Variants in BLTP1 observed in about 807,000 individuals in gnomAD.
BLTP1 encodes the protein bridge-like lipid transfer protein family member 1.
chr4:122,232,441 G>A, the BLTP1 span, among the ~76,000 whole-genome samples: 14 of 151,836 alleles, frequency 9.2e-5, no homozygotes, highest in African/African-American at 3.1e-4. Context: ...TATTTTATTC[G>A]CTAAATCTAG....
chr4:122,263,878 G>C, the BLTP1 span, among the ~76,000 whole-genome samples: 1 of 152,086 alleles, frequency 6.6e-6, no homozygotes, highest in Non-Finnish European at 1.5e-5. Context: ...ATGAAAAAAT[G>C]CAAAGTGTAA....
At chr4:122,189,538 CAGAT>C in the BLTP1 span, 6 of 789,662 alleles carry the variant, frequency 7.6e-6, no homozygotes, top group Non-Finnish European at 9.2e-6. Context: ...GTTTAATATA[CAGAT>C]AGATAAAATG....
the BLTP1 span, among the ~76,000 whole-genome samples, chr4:122,260,252 T>C: frequency 6.6e-6 from 1 of 152,212 alleles, no homozygotes; most frequent in Non-Finnish European, 1.5e-5. Context: ...AAATATGATA[T>C]TATAATCTTA....
the BLTP1 span, chr4:122,293,372 G>A: frequency 5.5e-6 from 1 of 182,704 alleles, no homozygotes; most frequent in Non-Finnish European, 1.0e-5. Flanking sequence ...CCACCACGGA[G>A]GGCAAGGAAA....
chr4:122,173,220 G>A, the BLTP1 span: 1 of 1,530,710 alleles, frequency 6.5e-7, no homozygotes, highest in Non-Finnish European at 8.9e-7. Flanking sequence ...ACCATTTTTT[G>A]TTGCTATAAC....
chr4:122,316,243 G>A, the BLTP1 span: 2 of 355,320 alleles, frequency 5.6e-6, no homozygotes, highest in Middle Eastern at 8.9e-4. Context: ...TTCTGGTATT[G>A]ATTTTTAAAA....
At chr4:122,172,887 C>A in the BLTP1 span, 1 of 1,497,846 alleles carries the variant, frequency 6.7e-7, no homozygotes, top group South Asian at 1.3e-5. Flanking sequence ...GGAATTTATG[C>A]TTTTCTGGAT....
chr4:122,357,893 T>C, the BLTP1 span, among the ~76,000 whole-genome samples: 3 of 152,196 alleles, frequency 2.0e-5, no homozygotes, highest in Non-Finnish European at 4.4e-5. Flanking sequence ...AACGACCATG[T>C]TGAAAGAGTA....
chr4:122,355,916 T>C, the BLTP1 span: 11 of 1,612,628 alleles, frequency 6.8e-6, no homozygotes, highest in African/African-American at 1.3e-5. Context: ...ACAGAGACTA[T>C]CTTTGCATTA....
chr4:122,353,317 A>G, the BLTP1 span: 3 of 858,482 alleles, frequency 3.5e-6, no homozygotes, highest in Non-Finnish European at 4.2e-6. This position sits in a 1 kb window ranked among gnomAD's most constrained non-coding sequence, Gnocchi z 4.3. Context: ...GAACATGTTA[A>G]TTTCTGAACT....
the BLTP1 span, chr4:122,359,896 G>A: frequency 1.0e-6 from 1 of 985,316 alleles, no homozygotes; most frequent in South Asian, 4.7e-5. Context: ...TTTGTTTCTA[G>A]GTAAGGCGAA....
chr4:122,243,870 T>C, the BLTP1 span: 9 of 1,594,756 alleles, frequency 5.6e-6, no homozygotes, highest in South Asian at 8.0e-5. Flanking sequence ...GTATACTCCA[T>C]TGGAAAAAAA....
chr4:122,205,641 TTCTCTCTC>T, the BLTP1 span, among the ~76,000 whole-genome samples: 1 of 105,700 alleles, frequency 9.5e-6, no homozygotes, highest in Non-Finnish European at 2.0e-5. Context: ...TTCCCCCCCC[TTCTCTCTC>T]TCTCTCTCTC....
At chr4:122,328,384 A>T in the BLTP1 span, 1 of 1,576,782 alleles carries the variant, frequency 6.3e-7, no homozygotes, top group Non-Finnish European at 8.7e-7. Context: ...TAAGATCATA[A>T]TGTAGTATTT....
At chr4:122,231,007 C>A in the BLTP1 span, among the ~76,000 whole-genome samples, 1 of 152,034 alleles carries the variant, frequency 6.6e-6, no homozygotes. Context: ...TCCTTTTAAA[C>A]AAATGATAAT....
the BLTP1 span, chr4:122,169,570 A>T: frequency 2.2e-6 from 2 of 905,046 alleles, no homozygotes; most frequent in Non-Finnish European, 2.6e-6. Context: ...ATGAAGGAAT[A>T]TTTTCTTGTT....
chr4:122,167,624 A>C, the BLTP1 span: 1 of 983,672 alleles, frequency 1.0e-6, no homozygotes, highest in Non-Finnish European at 1.2e-6. Context: ...CCTGTGCCTA[A>C]CTTCTCCCCT....
At chr4:122,293,639 A>G in the BLTP1 span, among the ~76,000 whole-genome samples, 1 of 151,422 alleles carries the variant, frequency 6.6e-6, no homozygotes, top group Middle Eastern at 3.4e-3. Context: ...AGTTTTGCAT[A>G]CTCTGGCCCT....
the BLTP1 span, among the ~76,000 whole-genome samples, chr4:122,308,336 AATC>A: frequency 6.6e-6 from 1 of 152,094 alleles, no homozygotes; most frequent in Non-Finnish European, 1.5e-5. Flanking sequence ...ATTAAATCTT[AATC>A]TCATGGGACT....
Sources: gnomAD v4.1 joint callset for allele counts (sites outside exome capture counted in the v4.1 genomes callset) on GRCh38, gnomAD v4.1.1 for gene constraint, Gnocchi (gnomAD v3.1) non-coding constraint, MANE v1.5 for transcripts, NCBI Gene and HGNC (gene_info 2026-07-23, HGNC 2026-07-21) for gene names.